HIRA: variants seen among roughly 807,000 people sequenced by gnomAD.
The protein encoded by HIRA is protein HIRA.
A neutral mutation model predicts 126.6 loss-of-function variants in HIRA; 13 were observed. That is an observed-to-expected ratio of 0.10 (90% confidence interval 0.07 to 0.16). HIRA has a LOEUF of 0.16. Among genes scored for constraint, HIRA ranks in the 10% least tolerant of loss-of-function variants. The probability of loss-of-function intolerance (pLI) is 1.00; values close to 1 mark genes in which losing one functional copy is unlikely to be tolerated. For synonymous variants in HIRA, 511 were observed against 520.0 expected, an observed-to-expected ratio of 0.98 and a Z score of 0.24; for missense variants, 834 against 1,314.4, an observed-to-expected ratio of 0.63 and a Z score of 5.65.
chr22:19,355,068 G>T (rs1401838779), intron 21 of HIRA, among the ~76,000 whole-genome samples: 2 of 151,978 alleles, frequency 1.3e-5, no homozygotes, highest in Admixed American at 1.3e-4. Context: ...GCACCCAGCA[G>T]ATTTTTTTTT....
intron 15 of HIRA, among the ~76,000 whole-genome samples, chr22:19,372,575 T>A (rs1201233436): frequency 6.6e-6 from 1 of 151,332 alleles, no homozygotes; most frequent in East Asian, 1.9e-4. Flanking sequence ...CTTTTAATTT[T>A]TTTTTTTTTT....
Position 19,353,462 on chromosome 22 carries a change from G to C in HIRA, c.2742C>G (p.Thr914=). The C allele has an allele frequency of 7.4e-6, 12 of 1,612,902 alleles. No individual in the cohort carries two copies. Among genetic ancestry groups the C allele is most frequent in the Non-Finnish European group, 1.0e-5 (12 of 1,179,892 alleles). Reference sequence around the variant, plus strand: ...CCTGGTTCTCTAGGTAGGCCAGGGTGGTCTCTTGCTGCACCACATGAGGCA... The same window carrying C: ...CCTGGTTCTCTAGGTAGGCCAGGGTCGTCTCTTGCTGCACCACATGAGGCA... The part of the protein sequence containing the change: ...FSVPHVVQQE[T]TLAYLENQVA... Residue 914 remains threonine (T), a synonymous_variant, in exon 23 of 25, where the codon ACC becomes ACG. Coordinates refer to ENST00000263208, the MANE Select transcript of HIRA (RefSeq NM_003325.4).
intron 11 of HIRA, 56 bp downstream of exon 11, chr22:19,387,655 G>C: frequency 7.5e-7 from 1 of 1,329,700 alleles, no homozygotes; most frequent in Non-Finnish European, 1.1e-6. Context: ...GGGTCTCTCA[G>C]AGCTATTGTG....
intron 5 of HIRA, among the ~76,000 whole-genome samples, chr22:19,402,594 C>T (rs1229651852): frequency 6.6e-6 from 1 of 152,088 alleles, no homozygotes; most frequent in Non-Finnish European, 1.5e-5. Context: ...AGCTTTATCC[C>T]CCTATGGTTT....
intron 23 of HIRA, among the ~76,000 whole-genome samples, chr22:19,352,989 G>A (rs2088773854): frequency 6.6e-6 from 1 of 152,248 alleles, no homozygotes; most frequent in Admixed American, 6.5e-5. Flanking sequence ...GCTGGGAGGA[G>A]GAAGAGAACC....
chr22:19,427,355 G>C (rs957456856), intron 1 of HIRA, among the ~76,000 whole-genome samples: 1 of 152,182 alleles, frequency 6.6e-6, no homozygotes, highest in South Asian at 2.1e-4. Context: ...CCAATTCTCA[G>C]ACATAGGTCT....
intron 11 of HIRA, among the ~76,000 whole-genome samples, 183 bp from the exon 12 acceptor site, chr22:19,385,919 T>C (rs1433988063): frequency 6.6e-6 from 1 of 152,192 alleles, no homozygotes; most frequent in East Asian, 1.9e-4. Flanking sequence ...TGTTGATGTC[T>C]CATGCCCACC....
chr22:19,408,688 A>C, intron 2 of HIRA, 95 bp from the exon 3 acceptor site: 1 of 691,676 alleles, frequency 1.4e-6, no homozygotes, highest in Admixed American at 2.2e-5. Context: ...GTCCTCACTT[A>C]GCTTCCATAA....
In HIRA at chr22:19,356,874, T is replaced by C. The variant is rs781947414; in HGVS notation, c.2396+16A>G. ...GCCCTGGCTGAAGCCCACCCCACCCTGTGCCTGCCTCTCACCAGACAGAGA... is the reference window on the plus strand; with the variant it reads ...GCCCTGGCTGAAGCCCACCCCACCCCGTGCCTGCCTCTCACCAGACAGAGA... On this transcript the variant is annotated intron_variant, in intron 19 of 24. Coordinates refer to ENST00000263208, the MANE Select transcript of HIRA (RefSeq NM_003325.4). The C allele has an allele frequency of 6.2e-6, 10 of 1,612,868 alleles. No individual in the cohort carries two copies. The highest frequency in any genetic ancestry group is 1.7e-5 in the Admixed American group (1 of 59,982).
At chr22:19,400,809 G>A (rs141447608) in intron 5 of HIRA, among the ~76,000 whole-genome samples, 2 of 152,054 alleles carry the variant, frequency 1.3e-5, no homozygotes, top group African/African-American at 4.8e-5. Flanking sequence ...GATGACCGTG[G>A]CTTCCACTAC....
chr22:19,381,374 T>C (rs769741289), intron 13 of HIRA, among the ~76,000 whole-genome samples: 4 of 152,246 alleles, frequency 2.6e-5, no homozygotes, highest in Non-Finnish European at 5.9e-5. Flanking sequence ...TATAGAACAA[T>C]GTTAAATTAT....
At position 19,353,366 on chromosome 22, in the gene HIRA, G is replaced by A. The variant is rs1357968760; in HGVS notation, c.2838C>T (p.Leu946=). The part of the protein sequence containing the change: ...RHWLLVYARY[L]VNEGFEYRLR... ...TGCCAGGAGCCTCACCTTCGTTTAC[G>A]AGGTACCGTGCGTAGACGAGGAGCC... The change falls in exon 23 of 25, where the codon CTC becomes CTT. Residue 946 remains leucine (L), a synonymous_variant. Transcript: ENST00000263208. The A allele has an allele frequency of 1.9e-6, 3 of 1,612,758 alleles. No individual in the cohort carries two copies. Among genetic ancestry groups the A allele is most frequent in the Non-Finnish European group, 2.5e-6 (3 of 1,180,012 alleles).
chr22:19,360,353 A>G (rs566979867), intron 17 of HIRA, among the ~76,000 whole-genome samples: 1 of 152,324 alleles, frequency 6.6e-6, no homozygotes, highest in East Asian at 1.9e-4. Flanking sequence ...CTCTGAGTGC[A>G]AGAGCACGTC....
At chr22:19,405,516 C>T in intron 5 of HIRA, 1 of 985,290 alleles carries the variant, frequency 1.0e-6, no homozygotes, top group Non-Finnish European at 1.2e-6. Flanking sequence ...GGACAAACAG[C>T]AGAACGTGGG....
At chr22:19,357,554 T>C (rs563696099) in intron 18 of HIRA, among the ~76,000 whole-genome samples, 147 of 151,834 alleles carry the variant, frequency 9.7e-4, no homozygotes, top group Non-Finnish European at 4.7e-4. Flanking sequence ...AAACAAGGAG[T>C]GCGTTACAGA....
chr22:19,382,866 T>C (rs1390595249), intron 13 of HIRA, among the ~76,000 whole-genome samples: 1 of 151,328 alleles, frequency 6.6e-6, no homozygotes, highest in Non-Finnish European at 1.5e-5. Context: ...CAACAGCAAG[T>C]GGTGAATGAG....
At chr22:19,391,894 C>T (rs1328514839) in intron 9 of HIRA, among the ~76,000 whole-genome samples, 2 of 152,134 alleles carry the variant, frequency 1.3e-5, no homozygotes, top group Admixed American at 6.5e-5. Context: ...GTCAAGGTGG[C>T]CTCTCCTGGC....
intron 1 of HIRA, among the ~76,000 whole-genome samples, chr22:19,422,985 G>T (rs1051888461): frequency 1.3e-5 from 2 of 152,112 alleles, no homozygotes; most frequent in Non-Finnish European, 2.9e-5. Flanking sequence ...AGAACTCCCA[G>T]CAGGGCTGGC....
intron 15 of HIRA, among the ~76,000 whole-genome samples, chr22:19,373,895 C>G (rs1156364325): frequency 6.6e-6 from 1 of 152,162 alleles, no homozygotes; most frequent in Non-Finnish European, 1.5e-5. Context: ...GACCCCTAGC[C>G]TTGCACCCAT....
Sources: gnomAD v4.1 joint callset for allele counts (sites outside exome capture counted in the v4.1 genomes callset) on GRCh38, gnomAD v4.1.1 for gene constraint, MANE v1.5 for transcripts, NCBI Gene and HGNC (gene_info 2026-07-23, HGNC 2026-07-21) for gene names.